WDHD1: variants seen among roughly 807,000 people sequenced by gnomAD.
WDHD1 encodes the protein WD repeat and HMG-box DNA binding protein 1.
In WDHD1, 111 loss-of-function variants were observed where a neutral mutation model predicts 135.4. The observed-to-expected ratio is 0.82, with a 90% CI of 0.70 to 0.96. The LOEUF (loss-of-function observed/expected upper bound fraction) is 0.96, where lower values mean the gene tolerates loss of function less well. Among genes scored for constraint, WDHD1 ranks in the 40% least tolerant of loss-of-function variants. The pLI is 0.00. For missense variants in WDHD1, 1,351 were observed against 1,336.3 expected (o/e 1.01, Z -0.17); for synonymous variants, 434 against 439.0 (o/e 0.99, Z 0.14).
At chr14:55,027,003 G>A (rs781325997) in intron 1 of WDHD1, 25 bp downstream of exon 1, 7 of 550,588 alleles carry the variant, frequency 1.3e-5, no homozygotes, top group African/African-American at 3.8e-5. Flanking sequence ...CTTGGTGGAC[G>A]CGGGCAGCCG....
chr14:54,962,873 T>G lies in WDHD1; in HGVS notation c.2532-20A>C. The stretch of plus-strand genomic sequence containing the variant: ...CTGTAACTAAGAGAAAATAATATTA[T>G]TCAATAAAGAGCTATGCAAAGACCA... On this transcript the variant is annotated intron_variant, in intron 19 of 25. Transcript: ENST00000360586. 6.2e-7 allele frequency: 1 copy of G among 1,611,000 alleles called. No homozygotes were observed. Among genetic ancestry groups the G allele is most frequent in the Non-Finnish European group, 8.5e-7 (1 of 1,179,420 alleles).
chr14:54,974,819 T>C (rs2041498268), intron 16 of WDHD1, among the ~76,000 whole-genome samples: 1 of 152,188 alleles, frequency 6.6e-6, no homozygotes, highest in South Asian at 2.1e-4. Context: ...AATGAGACTC[T>C]GTCTCGAAAA....
At chr14:54,977,558 A>C (rs1165409108) in intron 16 of WDHD1, among the ~76,000 whole-genome samples, 1 of 152,226 alleles carries the variant, frequency 6.6e-6, no homozygotes, top group Non-Finnish European at 1.5e-5. Context: ...TTATTAGCTG[A>C]TACTAAATGT....
chr14:54,984,868 G>GA lies in WDHD1; in HGVS notation c.1769-9dup. On this transcript the variant is annotated splice_polypyrimidine_tract_variant and intron_variant, in intron 14 of 25. Transcript: ENST00000360586. ...CCCCATCAAATCCTGTACCTAATGA[G>GA]AAAATGTAAATATAAATCAGGCATC... 6.2e-7 allele frequency: 1 copy of GA among 1,607,104 alleles called. No individual in the cohort carries two copies. The highest frequency in any genetic ancestry group is 1.3e-5 in the African/African-American group (1 of 74,544).
At chr14:54,969,515 G>GA (rs2041398624) in intron 16 of WDHD1, among the ~76,000 whole-genome samples, 2 of 152,126 alleles carry the variant, frequency 1.3e-5, no homozygotes, top group South Asian at 4.1e-4. Flanking sequence ...GACTGACTCA[G>GA]AAAAAACAGA....
chr14:54,939,947 A>G lies in WDHD1; in HGVS notation c.*1543T>C, dbSNP rs2040815337. On this transcript the variant is annotated 3_prime_UTR_variant, in exon 26 of 26. Transcript: ENST00000360586. ...CCAAACACAAAATACATGTCTACAA[A>G]CATGCTTTCCAATGTACTATAAATA... The G allele has an allele frequency of 2.0e-5, 3 of 152,250 alleles. No homozygotes were observed. The highest frequency in any genetic ancestry group is 4.8e-5 in the African/African-American group (2 of 41,474). 9.4% of individuals were successfully genotyped at this position (152,250 alleles called of 1,614,324 possible). A position where few individuals can be genotyped will look rare whatever the true frequency, so the allele number is the denominator to read the frequency against.
At chr14:54,964,867 T>C (rs960600425) in intron 18 of WDHD1, among the ~76,000 whole-genome samples, 2 of 152,190 alleles carry the variant, frequency 1.3e-5, no homozygotes, top group East Asian at 3.8e-4. Context: ...AAATAGCAAA[T>C]ACATGAAATA....
chr14:54,983,680 T>TAA (rs113964065), intron 15 of WDHD1, among the ~76,000 whole-genome samples: 3 of 147,746 alleles, frequency 2.0e-5, no homozygotes, highest in African/African-American at 7.4e-5. Context: ...ATTTATTCCT[T>TAA]AAAAAAAAAA....
chr14:54,970,726 C>G (rs1217526353), intron 16 of WDHD1, among the ~76,000 whole-genome samples: 1 of 151,608 alleles, frequency 6.6e-6, no homozygotes, highest in African/African-American at 2.4e-5. Flanking sequence ...TCATTTTTCA[C>G]AGAATTAGAA....
At position 54,986,755 on chromosome 14, in the gene WDHD1, G is replaced by C. The variant is rs376287014; in HGVS notation, c.1768+391C>G. On this transcript the variant is annotated intron_variant, in intron 14 of 25. Coordinates refer to ENST00000360586, the MANE Select transcript of WDHD1 (RefSeq NM_007086.4). The stretch of plus-strand genomic sequence containing the variant: ...AGACCAGTCTTAGCATAGTGACGGG[G>C]ACTGAAGAAAGACATGAGGGGAGGA... Among the ~76,000 whole-genome samples the C allele has an allele frequency of 1.6e-3, 238 of 152,282 alleles. 8 individuals are homozygous for C. In the South Asian group the frequency reaches 0.047, roughly 30 times the overall value.
At chr14:54,992,358 C>T (rs1218287400) in intron 11 of WDHD1, among the ~76,000 whole-genome samples, 2 of 152,036 alleles carry the variant, frequency 1.3e-5, no homozygotes, top group African/African-American at 2.4e-5. Flanking sequence ...GGCATGGTGG[C>T]GGGCACCTAT....
At position 54,991,305 on chromosome 14, in the gene WDHD1, G is replaced by C. The variant is rs760529367; in HGVS notation, c.1249C>G (p.Gln417Glu). 1 of 1,613,932 alleles carries C rather than the reference G, an allele frequency of 6.2e-7. No individual in the cohort carries two copies. Among genetic ancestry groups the C allele is most frequent in the Non-Finnish European group, 8.5e-7 (1 of 1,179,860 alleles). ...SIHNLPLVTS[Q>E]RPFYDGPMPT... Reference sequence around the variant, plus strand: ...ATGGGTCCATCATAAAATGGCCTTTGGGATGTTACAAGTGGTAGATTGTGA... The same window carrying C: ...ATGGGTCCATCATAAAATGGCCTTTCGGATGTTACAAGTGGTAGATTGTGA... Residue 417 changes from glutamine (Q) to glutamate (E), a missense_variant, in exon 12 of 26, where the codon CAA becomes GAA. Gln to Glu is a conservative substitution (Grantham distance 29). Transcript: ENST00000360586.
intron 22 of WDHD1, 84 bp downstream of exon 22, chr14:54,957,508 G>T (rs1432951708): frequency 1.6e-6 from 2 of 1,239,650 alleles, no homozygotes; most frequent in Admixed American, 2.4e-5. Context: ...TCCAAGTCTG[G>T]GGAGAGTCAT....
Position 54,972,553 on chromosome 14 carries a change from C to CAAAAAAAAAAAAAAAAAAAAAAAA in WDHD1, c.2064-5183_2064-5160dup, listed in dbSNP as rs71410642. ...CCTGGGCAATAAAGCAAGACTGTCA[C>CAAAAAAAAAAAAAAAAAAAAAAAA]AAAAAAAAAAAAAAAAAAAAAAAAA... On this transcript the variant is annotated intron_variant, in intron 16 of 25. Coordinates refer to ENST00000360586, the MANE Select transcript of WDHD1 (RefSeq NM_007086.4). Among the ~76,000 whole-genome samples the CAAAAAAAAAAAAAAAAAAAAAAAA allele has an allele frequency of 7.1e-4, 18 of 25,500 alleles. 3 individuals carry two copies. The highest frequency in any genetic ancestry group is 9.2e-4 in the Non-Finnish European group (14 of 15,220). The allele number at this position is 25,500 out of a possible 152,430, so 16.7% of individuals were successfully genotyped here.
chr14:54,987,036 G>A (rs1447136774), intron 14 of WDHD1, 110 bp downstream of exon 14: 5 of 1,259,748 alleles, frequency 4.0e-6, no homozygotes, highest in African/African-American at 1.5e-5. Flanking sequence ...AAGATTACAC[G>A]GATTCAAAAG....
chr14:54,962,842 G>C lies in WDHD1; in HGVS notation c.2543C>G (p.Thr848Ser). The change falls in exon 20 of 26, where the codon ACT becomes AGT. Residue 848 changes from threonine (T) to serine (S), a missense_variant. By Grantham distance (58) the Thr-to-Ser change is moderately conservative. Around this residue, in one of 2 missense-constraint regions of WDHD1, gnomAD observed 1,330 missense variants for 1,296.1 expected, o/e 1.03. Coordinates refer to ENST00000360586, the MANE Select transcript of WDHD1 (RefSeq NM_007086.4). ...CCTTGGTTGGCTCCACTCTGTAGCA[G>C]TATTGCTGTAACTAAGAGAAAATAA... ...RKKLNAGYSNTATEWSQPRFR... is the reference protein window; with the variant it reads ...RKKLNAGYSNSATEWSQPRFR... The C allele has an allele frequency of 6.2e-7, 1 of 1,612,348 alleles. No homozygotes were observed. The highest frequency in any genetic ancestry group is 8.5e-7 in the Non-Finnish European group (1 of 1,179,982).
Position 54,972,553 on chromosome 14 carries a change from C to CAAAAAAAAAAAAAAAAAAAAAAAAAAAA in WDHD1, c.2064-5187_2064-5160dup, listed in dbSNP as rs71410642. Among the ~76,000 whole-genome samples, 17 of 25,500 alleles carry CAAAAAAAAAAAAAAAAAAAAAAAAAAAA rather than the reference C, an allele frequency of 6.7e-4. 5 individuals are homozygous for CAAAAAAAAAAAAAAAAAAAAAAAAAAAA. Among genetic ancestry groups the CAAAAAAAAAAAAAAAAAAAAAAAAAAAA allele is most frequent in the Non-Finnish European group, 1.1e-3 (16 of 15,220 alleles). The allele number at this position is 25,500 out of a possible 152,430, so 16.7% of individuals were successfully genotyped here. ...CCTGGGCAATAAAGCAAGACTGTCA[C>CAAAAAAAAAAAAAAAAAAAAAAAAAAAA]AAAAAAAAAAAAAAAAAAAAAAAAA... On this transcript the variant is annotated intron_variant, in intron 16 of 25. Transcript: ENST00000360586.
intron 14 of WDHD1, 99 bp from the exon 15 acceptor site, chr14:54,984,959 AGACT>A (rs2041674489): frequency 6.8e-7 from 1 of 1,461,706 alleles, no homozygotes. Context: ...GTAAATTACT[AGACT>A]GACTAGCACT....
Position 54,963,183 on chromosome 14 carries a change from A to C in WDHD1, c.2311-11T>G. On this transcript the variant is annotated splice_polypyrimidine_tract_variant and intron_variant, in intron 18 of 25. Transcript: ENST00000360586. ...CAGTTTACAAGAAAGCTAATCCAAA[A>C]AGGGGGGGGGGGGGGAGATCAAATA... The C allele has an allele frequency of 4.4e-6, 1 of 226,406 alleles. No homozygotes were observed. The highest frequency in any genetic ancestry group is 9.3e-6 in the Non-Finnish European group (1 of 107,604). The allele number at this position is 226,406 out of a possible 1,614,324, so 14.0% of individuals were successfully genotyped here. A position where few individuals can be genotyped will look rare whatever the true frequency, so the allele number is the denominator to read the frequency against.
Sources: allele counts gnomAD v4.1 joint callset (sites outside exome capture counted in the v4.1 genomes callset), GRCh38; gene constraint gnomAD v4.1.1; regional missense constraint gnomAD v4.1.1; transcripts MANE v1.5; gene names NCBI Gene and HGNC (gene_info 2026-07-23, HGNC 2026-07-21).